CACNA1I: variants seen among roughly 807,000 people sequenced by gnomAD.
CACNA1I encodes calcium voltage-gated channel subunit alpha1 I, also known as voltage-dependent T-type calcium channel subunit alpha-1I.
Under a neutral mutation model 201.6 loss-of-function variants are expected in CACNA1I, and 74 were observed. That is an observed-to-expected ratio of 0.37 (90% CI 0.30 to 0.45). CACNA1I has a LOEUF of 0.45. CACNA1I is among the 20% of genes least tolerant of loss of function. The pLI is 1.00. For synonymous variants in CACNA1I, 1,431 were observed against 1,345.2 expected (o/e 1.06, Z -1.40); for missense variants, 2,346 against 3,138.1 (o/e 0.75, Z 6.03).
rs1252231691 is a variant in CACNA1I at position 39,679,702 on chromosome 22, C to A, written c.5395-20C>A. ...CGGCTGATAATCCCGCCTGTCCCCA[C>A]CCCGTCCCCGTCCGCCTAGGAGAAC... On this transcript the variant is annotated intron_variant, in intron 32 of 36. Coordinates refer to ENST00000402142, the MANE Select transcript of CACNA1I (RefSeq NM_021096.4). The A allele has an allele frequency of 6.2e-7, 1 of 1,602,502 alleles. No individual in the cohort carries two copies.
chr22:39,659,151 C>T lies in CACNA1I; in HGVS notation c.2330+35C>T. ...CCCTGCTGGGGGCCATACCTCAGCACCTGCTGGGGCTGTGGGCGGGAGCCT... is the reference window on the plus strand; with the variant it reads ...CCCTGCTGGGGGCCATACCTCAGCATCTGCTGGGGCTGTGGGCGGGAGCCT... On this transcript the variant is annotated intron_variant, in intron 12 of 36. Coordinates refer to ENST00000402142, the MANE Select transcript of CACNA1I (RefSeq NM_021096.4). The surrounding 1 kb of genome is among the most constrained non-coding windows in gnomAD (Gnocchi z 4.3). 4 of 1,605,030 alleles carry T rather than the reference C, an allele frequency of 2.5e-6. No individual in the cohort carries two copies. Among genetic ancestry groups the T allele is most frequent in the Middle Eastern group, 2.0e-4 (1 of 5,100 alleles).
intron 3 of CACNA1I, among the ~76,000 whole-genome samples, chr22:39,615,273 C>T (rs373654884): frequency 6.6e-5 from 10 of 152,268 alleles, no homozygotes; most frequent in Admixed American, 3.3e-4. Flanking sequence ...TGGACGGAGG[C>T]CACATTATGG....
At chr22:39,613,429 T>C (rs1412766119) in intron 3 of CACNA1I, among the ~76,000 whole-genome samples, 1 of 152,136 alleles carries the variant, frequency 6.6e-6, no homozygotes, top group Non-Finnish European at 1.5e-5. Context: ...CTCATGTGAT[T>C]CGTGGGCGCG....
At chr22:39,624,563 C>G (rs559496255) in intron 4 of CACNA1I, among the ~76,000 whole-genome samples, 1 of 152,362 alleles carries the variant, frequency 6.6e-6, no homozygotes, top group South Asian at 2.1e-4. Context: ...ACTGGGAGCA[C>G]TGGCCCTCCA....
At chr22:39,638,773 G>A (rs138570809) in intron 5 of CACNA1I, among the ~76,000 whole-genome samples, 1 of 152,224 alleles carries the variant, frequency 6.6e-6, no homozygotes, top group Admixed American at 6.5e-5. Context: ...GACCAGTTTC[G>A]TGGAAGATAA....
chr22:39,575,188 G>T (rs1192454860), intron 1 of CACNA1I, among the ~76,000 whole-genome samples: 2 of 152,248 alleles, frequency 1.3e-5, no homozygotes, highest in African/African-American at 4.8e-5. Context: ...ATCACGGGGA[G>T]GTGGCGTGTG....
Position 39,677,485 on chromosome 22 carries a change from C to G in CACNA1I, c.4933+66C>G. 144 of 761,706 alleles carry G rather than the reference C, an allele frequency of 1.9e-4. No homozygotes were observed. Among genetic ancestry groups the G allele is most frequent in the Non-Finnish European group, 2.9e-4 (136 of 475,314 alleles). 47.2% of individuals were successfully genotyped at this position (761,706 alleles called of 1,614,324 possible). Reference sequence around the variant, plus strand: ...AGGGCTGCAGGAGGAACTGGGGGGGCGGGGGAGGCCTGAGACCCCTGAGCC... The same window carrying G: ...AGGGCTGCAGGAGGAACTGGGGGGGGGGGGGAGGCCTGAGACCCCTGAGCC... On this transcript the variant is annotated intron_variant, in intron 30 of 36. Coordinates refer to ENST00000402142, the MANE Select transcript of CACNA1I (RefSeq NM_021096.4). The surrounding 1 kb of genome is among the most constrained non-coding windows in gnomAD (Gnocchi z 4.8).
chr22:39,673,226 G>C lies in CACNA1I; in HGVS notation c.4783+144G>C. ...GCATGGTGGGCTCCTTGCTGAACAG[G>C]GGTGAGAAGGAGCTGGGAGGCACAC... is the stretch of plus-strand genomic sequence containing the variant. On this transcript the variant is annotated intron_variant, in intron 28 of 36. Transcript: ENST00000402142. 3 of 886,818 alleles carry C rather than the reference G, an allele frequency of 3.4e-6. No homozygotes were observed. In the South Asian group the frequency reaches 5.0e-5, roughly 15 times the overall value. 54.9% of individuals were successfully genotyped at this position (886,818 alleles called of 1,614,324 possible).
chr22:39,588,369 C>A (rs1486221161), intron 1 of CACNA1I, among the ~76,000 whole-genome samples: 2 of 55,652 alleles, frequency 3.6e-5, no homozygotes, highest in Non-Finnish European at 7.8e-5. Flanking sequence ...AAGGCGTTTT[C>A]TTTCTTTCTT....
intron 1 of CACNA1I, among the ~76,000 whole-genome samples, chr22:39,585,274 G>A (rs1425808603): frequency 1.3e-5 from 2 of 151,940 alleles, no homozygotes; most frequent in Non-Finnish European, 2.9e-5. Flanking sequence ...TGTTGGTCAG[G>A]CTGGTCTTGA....
At chr22:39,652,205 A>G (rs1000411236) in intron 10 of CACNA1I, among the ~76,000 whole-genome samples, 4 of 152,156 alleles carry the variant, frequency 2.6e-5, no homozygotes, top group Middle Eastern at 6.3e-3. Context: ...CATGTTGGCC[A>G]GGCTGGTCTT....
chr22:39,654,788 T>C (rs1934763060), intron 10 of CACNA1I, among the ~76,000 whole-genome samples: 1 of 151,874 alleles, frequency 6.6e-6, no homozygotes, highest in South Asian at 2.1e-4. Flanking sequence ...ACCAGGAGCA[T>C]AGGTATCCCC....
In CACNA1I at chr22:39,664,722, CCCCA is replaced by C; in HGVS notation, c.3667-13_3667-10del. 1.3e-6 allele frequency: 1 copy of C among 782,898 alleles called. No homozygotes were observed. The highest frequency in any genetic ancestry group is 2.0e-6 in the Non-Finnish European group (1 of 498,454). 48.5% of individuals were successfully genotyped at this position (782,898 alleles called of 1,614,324 possible). A position where few individuals can be genotyped will look rare whatever the true frequency, so the allele number is the denominator to read the frequency against. On this transcript the variant is annotated splice_polypyrimidine_tract_variant and intron_variant, in intron 20 of 36. Coordinates refer to ENST00000402142, the MANE Select transcript of CACNA1I (RefSeq NM_021096.4). The stretch of plus-strand genomic sequence containing the variant: ...CCCTCCCGCGGCAGCCTGACCCCGG[CCCCA>C]CCCCCGCCCCAGGTAGTCTCGCTGG...
At chr22:39,615,035 G>A (rs562600557) in intron 3 of CACNA1I, among the ~76,000 whole-genome samples, 2 of 152,240 alleles carry the variant, frequency 1.3e-5, no homozygotes, top group Non-Finnish European at 2.9e-5. Flanking sequence ...TCCTGTAAGC[G>A]ATGTCTTATT....
At chr22:39,650,508 C>T (rs1366791090) in intron 10 of CACNA1I, among the ~76,000 whole-genome samples, 7 of 152,144 alleles carry the variant, frequency 4.6e-5, no homozygotes. Context: ...TTCCAGAGGG[C>T]CAGTCTTGTT....
Position 39,665,027 on chromosome 22 carries a change from G to C in CACNA1I, c.3851+104G>C. On this transcript the variant is annotated intron_variant, in intron 21 of 36. Transcript: ENST00000402142. This position sits in a 1 kb window ranked among gnomAD's most constrained non-coding sequence, Gnocchi z 5.5. ...TCCGCCCTCCCCGCCCGCCCACTCG[G>C]TCCTCCAATAGTGAGTGCCAAACAC... 9.2e-6 allele frequency: 10 copies of C among 1,083,336 alleles called. 1 individual carries two copies. The South Asian group carries it at 1.5e-4, about 16-fold the overall frequency. 67.1% of individuals were successfully genotyped at this position (1,083,336 alleles called of 1,614,324 possible).
intron 10 of CACNA1I, among the ~76,000 whole-genome samples, chr22:39,657,470 G>A (rs1173834460): frequency 6.6e-6 from 1 of 152,296 alleles, no homozygotes. Flanking sequence ...CATGGGGCAC[G>A]ATGTCCCCAG....
chr22:39,572,831 A>G (rs1932230477), intron 1 of CACNA1I, among the ~76,000 whole-genome samples: 1 of 151,752 alleles, frequency 6.6e-6, no homozygotes, highest in African/African-American at 2.4e-5. Context: ...ATCTCGGCTC[A>G]CTGCAACCTC....
intron 29 of CACNA1I, among the ~76,000 whole-genome samples, chr22:39,674,240 G>A (rs116643501): frequency 0.016 from 2,474 of 152,322 alleles, 66 homozygotes; most frequent in African/African-American, 0.054. Context: ...GTGGTTGCCA[G>A]TGCCACTCTG....
Sources: allele counts gnomAD v4.1 joint callset (sites outside exome capture counted in the v4.1 genomes callset), GRCh38; gene constraint gnomAD v4.1.1; non-coding constraint Gnocchi (gnomAD v3.1); transcripts MANE v1.5; gene names NCBI Gene and HGNC (gene_info 2026-07-23, HGNC 2026-07-21).